The following SPICE1 variants were observed in gnomAD, a reference collection of about 807,000 sequenced individuals.
The protein encoded by SPICE1 is spindle and centriole associated protein 1, also known as spindle and centriole-associated protein 1.
A neutral mutation model predicts 102.7 loss-of-function variants in SPICE1; 75 were observed. The observed-to-expected ratio is 0.73, with a 90% confidence interval of 0.61 to 0.88. SPICE1 has a LOEUF of 0.88. Among genes scored for constraint, SPICE1 ranks in the 40% least tolerant of loss-of-function variants. The pLI, the probability that SPICE1 is intolerant of heterozygous loss-of-function variation, is 0.00. For missense variants in SPICE1, 979 were observed against 1,020.1 expected (o/e 0.96, Z 0.55); for synonymous variants, 308 against 350.3 (o/e 0.88, Z 1.35).
Position 113,453,673 on chromosome 3 carries a change from T to C in SPICE1, c.1935A>G (p.Glu645=), listed in dbSNP as rs751830781. The change falls in exon 14 of 18, where the codon GAA becomes GAG. Residue 645 remains glutamate, a synonymous_variant. Coordinates refer to ENST00000295872, the MANE Select transcript of SPICE1 (RefSeq NM_144718.4). The stretch of plus-strand genomic sequence containing the variant: ...GCCCATCTCCCAGTACTGGGAGCTC[T>C]TCTGAGAATGTGGGGCTTCTTGACT... ...TQQSRSPTFS[E]ELPVLGDGQQ... is the part of the protein sequence containing the mutation. The C allele has an allele frequency of 6.2e-7, 1 of 1,614,170 alleles. No homozygotes were observed. The highest frequency in any genetic ancestry group is 1.1e-5 in the South Asian group (1 of 91,074).
At chr3:113,446,011 A>C (rs1935504258) in intron 17 of SPICE1, among the ~76,000 whole-genome samples, 1 of 152,222 alleles carries the variant, frequency 6.6e-6, no homozygotes, top group South Asian at 2.1e-4. Context: ...CTGTACTAGC[A>C]CCACAGAAAA....
At chr3:113,477,448 A>T (rs1278238573) in intron 7 of SPICE1, among the ~76,000 whole-genome samples, 2 of 151,300 alleles carry the variant, frequency 1.3e-5, no homozygotes, top group African/African-American at 4.9e-5. Flanking sequence ...ATATACCCAG[A>T]GGACTATAAA....
chr3:113,453,335 TGCCAAACATAAGCCATCTA>T (rs1263930282), intron 14 of SPICE1, 112 bp downstream of exon 14: 7 of 1,061,342 alleles, frequency 6.6e-6, no homozygotes, highest in Non-Finnish European at 9.6e-6. Flanking sequence ...ATTGAGGACA[TGCCAAACATAAGCCATCTA>T]GCCTCAAAGC....
intron 13 of SPICE1, among the ~76,000 whole-genome samples, chr3:113,456,516 T>C (rs180861158): frequency 9.2e-5 from 14 of 152,292 alleles, no homozygotes; most frequent in Non-Finnish European, 1.6e-4. Context: ...AGGTAGTCCA[T>C]GGAACTTCTG....
At chr3:113,468,512 A>G in intron 9 of SPICE1, 108 bp from the exon 10 acceptor site, 1 of 1,283,446 alleles carries the variant, frequency 7.8e-7, no homozygotes, top group Non-Finnish European at 1.1e-6. Flanking sequence ...AGGCTTGTAT[A>G]GACGATATCA....
intron 4 of SPICE1, 138 bp from the exon 5 acceptor site, chr3:113,494,280 C>T: frequency 5.3e-6 from 3 of 566,564 alleles, no homozygotes; most frequent in Non-Finnish European, 9.2e-6. Flanking sequence ...TAGCAATATC[C>T]TTAAGAACCA....
intron 7 of SPICE1, among the ~76,000 whole-genome samples, chr3:113,480,762 T>C (rs552208051): frequency 1.3e-5 from 2 of 151,906 alleles, no homozygotes; most frequent in Admixed American, 1.3e-4. Context: ...ATGCCTGTAG[T>C]CCCGGCTACT....
chr3:113,501,870 A>G (rs1937013852), intron 3 of SPICE1, among the ~76,000 whole-genome samples: 1 of 152,256 alleles, frequency 6.6e-6, no homozygotes, highest in African/African-American at 2.4e-5. Context: ...ATATGGAGAA[A>G]TTATATGACT....
At chr3:113,480,371 C>T (rs914068186) in intron 7 of SPICE1, among the ~76,000 whole-genome samples, 2 of 151,984 alleles carry the variant, frequency 1.3e-5, no homozygotes, top group Non-Finnish European at 1.5e-5. Context: ...AATCAAGTAC[C>T]GCATTGTTAC....
chr3:113,471,064 G>A (rs1936183262), intron 7 of SPICE1, among the ~76,000 whole-genome samples: 1 of 152,128 alleles, frequency 6.6e-6, no homozygotes, highest in Non-Finnish European at 1.5e-5. Flanking sequence ...ATGAGATTTT[G>A]AACTTGAAAT....
intron 13 of SPICE1, among the ~76,000 whole-genome samples, chr3:113,456,518 G>C (rs1935782086): frequency 6.6e-6 from 1 of 152,088 alleles, no homozygotes; most frequent in African/African-American, 2.4e-5. Context: ...GTAGTCCATG[G>C]AACTTCTGAA....
intron 7 of SPICE1, among the ~76,000 whole-genome samples, chr3:113,485,556 GA>G (rs1936625930): frequency 6.6e-6 from 1 of 151,658 alleles, no homozygotes; most frequent in Non-Finnish European, 1.5e-5. Flanking sequence ...AACATGTCTG[GA>G]AAAAAAAGCA....
chr3:113,471,359 C>T (rs1326508462), intron 7 of SPICE1, among the ~76,000 whole-genome samples: 2 of 152,108 alleles, frequency 1.3e-5, no homozygotes, highest in Non-Finnish European at 2.9e-5. Context: ...AGAGGAAGAT[C>T]TTTGACACCC....
At chr3:113,460,870 T>A in intron 11 of SPICE1, 106 bp from the exon 12 acceptor site, 1 of 984,670 alleles carries the variant, frequency 1.0e-6, no homozygotes. Context: ...ATCATATCAA[T>A]ACATATCAAA....
chr3:113,460,294 T>C (rs1453305066), intron 12 of SPICE1: 1 of 954,184 alleles, frequency 1.0e-6, no homozygotes, highest in Non-Finnish European at 1.2e-6. Context: ...TGCTACTTTC[T>C]ACCTGTATGA....
At chr3:113,506,909 T>G (rs1937124669) in intron 1 of SPICE1, among the ~76,000 whole-genome samples, 1 of 152,202 alleles carries the variant, frequency 6.6e-6, no homozygotes, top group Admixed American at 6.5e-5. Flanking sequence ...CGTCATAAGC[T>G]TTGTCATCAG....
Position 113,457,331 on chromosome 3 carries a change from A to G in SPICE1, c.1462T>C (p.Ser488Pro). The G allele has an allele frequency of 6.2e-7, 1 of 1,614,206 alleles. No individual in the cohort carries two copies. Among genetic ancestry groups the G allele is most frequent in the Non-Finnish European group, 8.5e-7 (1 of 1,180,044 alleles). ...PERPVVNANV[S>P]VPLMFREEVA... Reference sequence around the variant, plus strand: ...TCCTCTCTGAACATCAATGGCACTGAGACATTGGCATTTACAACTGGACGC... The same window carrying G: ...TCCTCTCTGAACATCAATGGCACTGGGACATTGGCATTTACAACTGGACGC... The change falls in exon 13 of 18, where the codon TCA (serine) becomes CCA (proline). Residue 488 changes from serine to proline, a missense_variant. Ser to Pro is a moderately conservative substitution (Grantham distance 74, BLOSUM62 -1). Coordinates refer to ENST00000295872, the MANE Select transcript of SPICE1 (RefSeq NM_144718.4).
intron 15 of SPICE1, 179 bp downstream of exon 15, chr3:113,450,157 G>A: frequency 1.6e-6 from 1 of 625,928 alleles, no homozygotes; most frequent in Non-Finnish European, 2.8e-6. Context: ...CAGGAGATCT[G>A]CCTTCTAATC....
intron 12 of SPICE1, 123 bp downstream of exon 12, chr3:113,460,494 A>T: frequency 6.9e-7 from 1 of 1,441,080 alleles, no homozygotes; most frequent in Non-Finnish European, 9.1e-7. Flanking sequence ...TGTAGTAGTG[A>T]CAATACTGTA....
Sources: allele counts gnomAD v4.1 joint callset (sites outside exome capture counted in the v4.1 genomes callset), GRCh38; gene constraint gnomAD v4.1.1; transcripts MANE v1.5; gene names NCBI Gene and HGNC (gene_info 2026-07-23, HGNC 2026-07-21).